Variants in SORBS2 observed in about 807,000 individuals in gnomAD.
SORBS2 encodes sorbin and SH3 domain-containing protein 2.
In SORBS2, 46 loss-of-function variants were observed where a neutral mutation model predicts 97.7. That is an observed-to-expected ratio of 0.47 (90% CI 0.37 to 0.60). The LOEUF (loss-of-function observed/expected upper bound fraction) is 0.60. Among genes scored for constraint, SORBS2 ranks in the 20% least tolerant of loss-of-function variants. SORBS2 has a pLI of 0.00. For missense variants in SORBS2, 1,316 were observed against 1,282.3 expected (o/e 1.03, Z -0.40); for synonymous variants, 476 against 473.4 (o/e 1.01, Z -0.07).
At chr4:185,909,890 A>G (rs2099253919) in intron 1 of SORBS2, among the ~76,000 whole-genome samples, 1 of 151,236 alleles carries the variant, frequency 6.6e-6, no homozygotes, top group Admixed American at 6.6e-5. Context: ...AGGATGAGGC[A>G]GGAGAATTGC....
At position 185,637,334 on chromosome 4, in the gene SORBS2, A is replaced by G. The variant is rs370792589; in HGVS notation, c.397-6736T>C. Among the ~76,000 whole-genome samples the G allele has an allele frequency of 1.1e-4, 17 of 152,388 alleles. No individual in the cohort carries two copies. The East Asian group carries it at 1.4e-3, about 12-fold the overall frequency. ...GTTTGTAGCCCAGGAGCAACGGGCC[A>G]TAGCACACAGCCTAGGCGTGTAGCA... On this transcript the variant is annotated intron_variant, in intron 4 of 14. Transcript: ENST00000418609.
chr4:185,851,054 G>C (rs762532864), intron 1 of SORBS2, among the ~76,000 whole-genome samples: 70 of 152,278 alleles, frequency 4.6e-4, no homozygotes, highest in Middle Eastern at 3.4e-3. Flanking sequence ...GCAGACAGCA[G>C]ATCGTGGGAT....
intron 1 of SORBS2, among the ~76,000 whole-genome samples, chr4:185,928,093 C>T (rs1407200605): frequency 6.7e-6 from 1 of 148,258 alleles, no homozygotes; most frequent in African/African-American, 2.4e-5. Context: ...TTATAGAGGG[C>T]AAGAAGAAGC....
intron 1 of SORBS2, among the ~76,000 whole-genome samples, chr4:185,874,631 C>A (rs958542212): frequency 9.2e-5 from 14 of 152,194 alleles, no homozygotes; most frequent in African/African-American, 3.4e-4. Flanking sequence ...CACACACATT[C>A]CATTCTCTAC....
intron 1 of SORBS2, among the ~76,000 whole-genome samples, chr4:185,930,668 T>A (rs1263449006): frequency 6.6e-6 from 1 of 152,204 alleles, no homozygotes; most frequent in Non-Finnish European, 1.5e-5. Context: ...ATATTTCTCC[T>A]TATCACTATC....
intron 4 of SORBS2, among the ~76,000 whole-genome samples, chr4:185,662,493 T>C (rs948231148): frequency 6.6e-6 from 1 of 152,190 alleles, no homozygotes; most frequent in Non-Finnish European, 1.5e-5. Flanking sequence ...AGTGGCTGAC[T>C]AGTGGGCATG....
At chr4:185,870,955 C>T (rs544883201) in intron 1 of SORBS2, among the ~76,000 whole-genome samples, 95 of 152,288 alleles carry the variant, frequency 6.2e-4, no homozygotes, top group Middle Eastern at 3.4e-3. Context: ...TTTAGCTTCT[C>T]TCCATATGCA....
At chr4:185,814,174 T>A (rs1324228710) in intron 1 of SORBS2, among the ~76,000 whole-genome samples, 1 of 152,066 alleles carries the variant, frequency 6.6e-6, no homozygotes. Context: ...TGTTTTAGGG[T>A]GGCTTTTCTT....
chr4:185,657,656 G>T, upstream of SORBS2: 2 of 1,461,726 alleles, frequency 1.4e-6, no homozygotes, highest in Non-Finnish European at 1.9e-6. Flanking sequence ...ATAAATTCAT[G>T]TGTCTTGTTG....
rs185246167 is a variant in SORBS2 at position 185,636,988 on chromosome 4, C to G, written c.397-6390G>C. On this transcript the variant is annotated intron_variant, in intron 4 of 14. Transcript: ENST00000418609. ...TCCCAAACAGGCTAAGCAATAAGGC[C>G]CAACCTCTGGGCTTCCTCTGGCGGG... Among the ~76,000 whole-genome samples the G allele has an allele frequency of 1.6e-4, 24 of 152,304 alleles. No individual in the cohort carries two copies. In the East Asian group the frequency reaches 4.6e-3, roughly 29 times the overall value.
chr4:185,950,110 G>A (rs1394385131), intron 1 of SORBS2, among the ~76,000 whole-genome samples: 1 of 152,074 alleles, frequency 6.6e-6, no homozygotes, highest in East Asian at 1.9e-4. Flanking sequence ...AAATTAGCTG[G>A]GCATGGTGAC....
intron 5 of SORBS2, among the ~76,000 whole-genome samples, chr4:185,627,944 A>G (rs1181958106): frequency 6.6e-6 from 1 of 152,048 alleles, no homozygotes; most frequent in Non-Finnish European, 1.5e-5. Context: ...GTGGCCTCTC[A>G]GGTTGGCTTC....
intron 2 of SORBS2, among the ~76,000 whole-genome samples, chr4:185,699,563 G>A (rs567928024): frequency 2.6e-5 from 4 of 152,172 alleles, no homozygotes; most frequent in South Asian, 2.1e-4. Flanking sequence ...CTGGGATTAT[G>A]GGTGTGAGCC....
At chr4:185,916,330 C>T (rs1389514833) in intron 1 of SORBS2, among the ~76,000 whole-genome samples, 1 of 152,214 alleles carries the variant, frequency 6.6e-6, no homozygotes, top group Non-Finnish European at 1.5e-5. Flanking sequence ...GGCTGTCCCA[C>T]CAGGCAGCAA....
chr4:185,747,933 G>A (rs1309859440), intron 2 of SORBS2, among the ~76,000 whole-genome samples: 1 of 152,094 alleles, frequency 6.6e-6, no homozygotes, highest in Non-Finnish European at 1.5e-5. Flanking sequence ...GGAGGTTGCA[G>A]TGAGCTGAGA....
intron 4 of SORBS2, chr4:185,677,123 T>C (rs2153497770): frequency 6.4e-7 from 1 of 1,551,680 alleles, no homozygotes; most frequent in Admixed American, 2.0e-5. Context: ...GATCCTGTCC[T>C]GAAAGGGGAG....
At chr4:185,658,510 G>C (rs2097447787), upstream of SORBS2, among the ~76,000 whole-genome samples, 1 of 151,970 alleles carries the variant, frequency 6.6e-6, no homozygotes. Context: ...GACAAAGAAT[G>C]ACACTTTGTA....
intron 1 of SORBS2, among the ~76,000 whole-genome samples, chr4:185,908,316 T>C (rs954329839): frequency 7.7e-6 from 1 of 129,976 alleles, no homozygotes; most frequent in Non-Finnish European, 1.6e-5. Flanking sequence ...TATATATATA[T>C]ATATATTTGT....
At chr4:185,809,691 A>G (rs2099171087) in intron 1 of SORBS2, among the ~76,000 whole-genome samples, 1 of 152,202 alleles carries the variant, frequency 6.6e-6, no homozygotes, top group Non-Finnish European at 1.5e-5. Flanking sequence ...TAAAATGGTC[A>G]TCTGTGTATA....
Sources: allele counts gnomAD v4.1 joint callset (sites outside exome capture counted in the v4.1 genomes callset), GRCh38; gene constraint gnomAD v4.1.1; transcripts MANE v1.5; gene names NCBI Gene and HGNC (gene_info 2026-07-23, HGNC 2026-07-21).